CPT1C: variants seen among roughly 807,000 people sequenced by gnomAD.
The protein encoded by CPT1C is carnitine palmitoyltransferase 1C, also known as palmitoyl thioesterase CPT1C.
Under a neutral mutation model 97.3 loss-of-function variants are expected in CPT1C, and 61 were observed. That is an observed-to-expected ratio of 0.63 (90% CI 0.51 to 0.78). The LOEUF (loss-of-function observed/expected upper bound fraction) is 0.78, where lower values mean the gene tolerates loss of function less well. Among genes scored for constraint, CPT1C ranks in the 30% least tolerant of loss-of-function variants. CPT1C has a pLI of 0.00. For synonymous variants in CPT1C, 469 were observed against 447.2 expected, an observed-to-expected ratio of 1.05 and a Z score of -0.61; for missense variants, 975 against 1,065.5, an observed-to-expected ratio of 0.92 and a Z score of 1.18.
chr19:49,710,805 G>A lies in CPT1C; in HGVS notation c.1814G>A (p.Cys605Tyr). The A allele has an allele frequency of 6.2e-7, 1 of 1,614,038 alleles. No homozygotes were observed. Among genetic ancestry groups the A allele is most frequent in the South Asian group, 1.1e-5 (1 of 91,088 alleles). ...GGCCGGACGGAGACGGTGCGGTCTT[G>A]CACGAGGGAGGCCTGCAACTTTGTC... ...LEGRTETVRS[C>Y]TREACNFVRA... The change falls in exon 16 of 20, where the codon TGC (cysteine) becomes TAC (tyrosine). Residue 605 changes from cysteine (C) to tyrosine (Y), a missense_variant. Around this residue, in one of 3 missense-constraint regions of CPT1C, gnomAD observed 344 missense variants for 395.7 expected, o/e 0.87. Transcript: ENST00000598293.
intron 12 of CPT1C, among the ~76,000 whole-genome samples, chr19:49,707,162 C>T (rs749857972): frequency 4.3e-4 from 65 of 152,152 alleles, no homozygotes; most frequent in Non-Finnish European, 7.4e-4. Context: ...GTGATCCCAG[C>T]TACTTGGGAG....
chr19:49,706,480 C>G lies in CPT1C; in HGVS notation c.1343+67C>G. ...AGAATCCAGTATCAGACCTAGGACC[C>G]CTGACAGTAGACAGCCAGACCCTGG... is the stretch of plus-strand genomic sequence containing the variant. On this transcript the variant is annotated intron_variant, in intron 12 of 19. Coordinates refer to ENST00000598293, the MANE Select transcript of CPT1C (RefSeq NM_001199753.2). The surrounding 1 kb of genome is among the most constrained non-coding windows in gnomAD (Gnocchi z 4.8). The G allele has an allele frequency of 7.5e-7, 1 of 1,335,468 alleles. No homozygotes were observed. Among genetic ancestry groups the G allele is most frequent in the Non-Finnish European group, 9.7e-7 (1 of 1,030,970 alleles). The allele number at this position is 1,335,468 out of a possible 1,614,324, so 82.7% of individuals were successfully genotyped here.
intron 4 of CPT1C, 74 bp downstream of exon 4, chr19:49,697,539 G>A: frequency 6.6e-7 from 1 of 1,517,852 alleles, no homozygotes. Flanking sequence ...CTGTCATTGT[G>A]GTGTACCTGC....
At position 49,712,789 on chromosome 19, in the gene CPT1C, G is replaced by A; in HGVS notation, c.2073G>A (p.Met691Ile). ...CCAGCCAGATCCCTGTTCAGCAAAT[G>A]CATCTGTTTGACGTCCACAATTACC... ...LSTSQIPVQQ[M>I]HLFDVHNYPD... Residue 691 changes from methionine (M) to isoleucine (I), a missense_variant, in exon 18 of 20, where the codon ATG (methionine) becomes ATA (isoleucine). Transcript: ENST00000598293. 6.2e-7 allele frequency: 1 copy of A among 1,614,122 alleles called. No individual in the cohort carries two copies. Among genetic ancestry groups the A allele is most frequent in the East Asian group, 2.2e-5 (1 of 44,868 alleles).
At chr19:49,699,121 T>A (rs2082845229) in intron 4 of CPT1C, among the ~76,000 whole-genome samples, 1 of 150,782 alleles carries the variant, frequency 6.6e-6, no homozygotes, top group Admixed American at 6.6e-5. Flanking sequence ...GAAAAAAAAA[T>A]CATGCCTGTC....
chr19:49,710,967 C>A, intron 16 of CPT1C, 110 bp downstream of exon 16: 5 of 1,202,292 alleles, frequency 4.2e-6, no homozygotes, highest in Non-Finnish European at 5.8e-6. Context: ...GCACAAGGGA[C>A]AAGGGATGAA....
Position 49,701,522 on chromosome 19 carries a change from T to C in CPT1C, c.581T>C (p.Leu194Pro), listed in dbSNP as rs1242045129. 6.2e-7 allele frequency: 1 copy of C among 1,611,224 alleles called. No individual in the cohort carries two copies. The highest frequency in any genetic ancestry group is 8.5e-7 in the Non-Finnish European group (1 of 1,178,332). ...RKYLESVRPI[L>P]SDEDFDWTAV... The stretch of plus-strand genomic sequence containing the variant: ...TACCTGGAGTCGGTCCGGCCCATCC[T>C]CTCCGACGAGGACTTCGACTGGACC... Residue 194 changes from leucine to proline, a missense_variant, in exon 7 of 20, where the codon CTC (leucine) becomes CCC (proline). Transcript: ENST00000598293.
Position 49,701,322 on chromosome 19 carries a change from G to T in CPT1C, c.459G>T (p.Leu153=). 6.2e-7 allele frequency: 1 copy of T among 1,612,266 alleles called. No homozygotes were observed. Among genetic ancestry groups the T allele is most frequent in the Non-Finnish European group, 8.5e-7 (1 of 1,179,496 alleles). ...CGGTAACTCCTCCTCCCCAGGCCCT[G>T]GTCCGCATCTTCTCTGGCCGCCACC... ...MSSPTKTWLA[L]VRIFSGRHPM... The change falls in exon 6 of 20, where the codon CTG becomes CTT. Residue 153 remains leucine, a synonymous_variant. Coordinates refer to ENST00000598293, the MANE Select transcript of CPT1C (RefSeq NM_001199753.2).
Position 49,705,230 on chromosome 19 carries a change from T to G in CPT1C, c.896T>G (p.Met299Arg). ...TTCCTGCAGACTTTGCTGATGGGAA[T>G]GCGCCCCTTATGCTCTGCCCAGTAC... is the stretch of plus-strand genomic sequence containing the variant. ...QEIPPTLLMG[M>R]RPLCSAQYEK... Residue 299 changes from methionine (M) to arginine (R), a missense_variant, in exon 10 of 20, where the codon ATG (methionine) becomes AGG (arginine). By Grantham distance (91) the Met-to-Arg change is moderately conservative. Transcript: ENST00000598293. 3 of 1,614,122 alleles carry G rather than the reference T, an allele frequency of 1.9e-6. No homozygotes were observed. The highest frequency in any genetic ancestry group is 2.5e-6 in the Non-Finnish European group (3 of 1,179,998).
chr19:49,692,101 T>G, intron 2 of CPT1C, 138 bp from the exon 3 acceptor site: 1 of 773,654 alleles, frequency 1.3e-6, no homozygotes, highest in Non-Finnish European at 1.9e-6. Context: ...GCTGGGGGCC[T>G]GGACTCCTGG....
intron 3 of CPT1C, among the ~76,000 whole-genome samples, chr19:49,695,875 C>T (rs1340783869): frequency 2.0e-5 from 3 of 148,944 alleles, no homozygotes; most frequent in Admixed American, 6.6e-5. Context: ...GCCATTGCCC[C>T]TGGCCTTTTT....
Position 49,710,683 on chromosome 19 carries a change from G to A in CPT1C, c.1732-40G>A, listed in dbSNP as rs565480802. ...AGGTCAAGTCTGTAAGATCTCCTGA[G>A]CCCAGCTGACAGACTCCTCTTCTCC... On this transcript the variant is annotated intron_variant, in intron 15 of 19. Transcript: ENST00000598293. 5 of 1,599,058 alleles carry A rather than the reference G, an allele frequency of 3.1e-6. No homozygotes were observed. In the Admixed American group the frequency reaches 8.4e-5, roughly 27 times the overall value.
rs79488403 is a variant in CPT1C at position 49,712,793 on chromosome 19, C to T, written c.2077C>T (p.Leu693=). 1.2e-6 allele frequency: 2 copies of T among 1,614,052 alleles called. No homozygotes were observed. The highest frequency in any genetic ancestry group is 1.7e-5 in the Admixed American group (1 of 60,002). ...TSQIPVQQMH[L]FDVHNYPDYV... Reference sequence around the variant, plus strand: ...CCAGATCCCTGTTCAGCAAATGCATCTGTTTGACGTCCACAATTACCCGGA... The same window carrying T: ...CCAGATCCCTGTTCAGCAAATGCATTTGTTTGACGTCCACAATTACCCGGA... The change falls in exon 18 of 20, where the codon CTG becomes TTG. Residue 693 remains leucine (L), a synonymous_variant. Coordinates refer to ENST00000598293, the MANE Select transcript of CPT1C (RefSeq NM_001199753.2).
Position 49,701,406 on chromosome 19 carries a change from C to A in CPT1C, c.543C>A (p.Asp181Glu), listed in dbSNP as rs2083045367. ...GCCAGCCCGTGCCCTCTGTGCAGGA[C>A]ACCGTGCGCAAGGTGGGCCTGGGAG... ...LPRQPVPSVQ[D>E]TVRKYLESVR... The change falls in exon 6 of 20, where the codon GAC becomes GAA. Residue 181 changes from aspartate (D) to glutamate (E), a missense_variant. Physicochemically the swap from Asp to Glu is conservative, Grantham distance 45 (BLOSUM62 2). Around this residue, in one of 3 missense-constraint regions of CPT1C, gnomAD observed 596 missense variants for 603.1 expected, o/e 0.99. Coordinates refer to ENST00000598293, the MANE Select transcript of CPT1C (RefSeq NM_001199753.2). 6.2e-7 allele frequency: 1 copy of A among 1,611,584 alleles called. No homozygotes were observed. The highest frequency in any genetic ancestry group is 1.1e-5 in the South Asian group (1 of 90,858).
chr19:49,712,934 C>A, intron 18 of CPT1C, 38 bp from the exon 19 acceptor site: 3 of 1,597,582 alleles, frequency 1.9e-6, no homozygotes, highest in South Asian at 2.2e-5. Flanking sequence ...TGGAGGGGAC[C>A]GGAGCTATTT....
At chr19:49,694,081 A>C (rs944953787) in intron 3 of CPT1C, among the ~76,000 whole-genome samples, 1 of 142,976 alleles carries the variant, frequency 7.0e-6, no homozygotes, top group African/African-American at 2.7e-5. Context: ...AAATAAAATA[A>C]AATAAAAAAT....
At chr19:49,709,954 C>T (rs1283358931) in intron 14 of CPT1C, among the ~76,000 whole-genome samples, 3 of 152,080 alleles carry the variant, frequency 2.0e-5, no homozygotes, top group Non-Finnish European at 4.4e-5. Context: ...TCAAGCGATT[C>T]TCCTGCCTCA....
chr19:49,703,350 C>CT (rs59161524), intron 7 of CPT1C, among the ~76,000 whole-genome samples: 1,436 of 136,512 alleles, frequency 0.011, 13 homozygotes, highest in Middle Eastern at 0.031. Context: ...TGGCTAATTT[C>CT]TTTTTTTTTT....
chr19:49,706,291 G>A lies in CPT1C; in HGVS notation c.1221G>A (p.Ala407=), dbSNP rs758907193. ...LKTQAAEALE[A]VEGAAFFVSL... is the part of the protein sequence containing the mutation. ...CCCAGGCAGCGGAGGCCCTGGAGGCGGTGGAAGGGGCCGCTTTCTTTGTGT... is the reference window on the plus strand; with the variant it reads ...CCCAGGCAGCGGAGGCCCTGGAGGCAGTGGAAGGGGCCGCTTTCTTTGTGT... Residue 407 remains alanine, a synonymous_variant, in exon 12 of 20, where the codon GCG becomes GCA. Transcript: ENST00000598293. This position sits in a 1 kb window ranked among gnomAD's most constrained non-coding sequence, Gnocchi z 4.8. 12 of 1,537,106 alleles carry A rather than the reference G, an allele frequency of 7.8e-6. No individual in the cohort carries two copies. The highest frequency in any genetic ancestry group is 6.1e-5 in the South Asian group (5 of 81,596).
Sources: allele counts gnomAD v4.1 joint callset (sites outside exome capture counted in the v4.1 genomes callset), GRCh38; gene constraint gnomAD v4.1.1; regional missense constraint gnomAD v4.1.1; non-coding constraint Gnocchi (gnomAD v3.1); transcripts MANE v1.5; gene names NCBI Gene and HGNC (gene_info 2026-07-23, HGNC 2026-07-21).